ZSWIM5: variants seen among roughly 807,000 people sequenced by gnomAD.
The protein encoded by ZSWIM5 is zinc finger SWIM domain-containing protein 5.
Under a neutral mutation model 119.6 loss-of-function variants are expected in ZSWIM5, and 55 were observed. The observed-to-expected ratio is 0.46, with a 90% CI of 0.37 to 0.58. The LOEUF (loss-of-function observed/expected upper bound fraction) is 0.58. ZSWIM5 is among the 20% of genes least tolerant of loss of function. ZSWIM5 has a pLI of 0.00. For missense variants in ZSWIM5, 1,193 were observed against 1,512.8 expected, an observed-to-expected ratio of 0.79 and a Z score of 3.51; for synonymous variants, 537 against 606.9, an observed-to-expected ratio of 0.88 and a Z score of 1.69.
chr1:45,033,823 C>G (rs1269356264), intron 11 of ZSWIM5, among the ~76,000 whole-genome samples: 1 of 151,378 alleles, frequency 6.6e-6, no homozygotes, highest in Non-Finnish European at 1.5e-5. Flanking sequence ...ATTTGGTATC[C>G]TACAATTAGT....
At chr1:45,159,977 G>A (rs1182947922) in intron 1 of ZSWIM5, among the ~76,000 whole-genome samples, 5 of 152,006 alleles carry the variant, frequency 3.3e-5, no homozygotes, top group Admixed American at 2.0e-4. Flanking sequence ...CTTTTTTGAT[G>A]AACTCTACTC....
intron 3 of ZSWIM5, among the ~76,000 whole-genome samples, chr1:45,059,629 G>A (rs1388484675): frequency 6.6e-6 from 1 of 152,068 alleles, no homozygotes; most frequent in Non-Finnish European, 1.5e-5. Context: ...AAAAACCACT[G>A]AACTGAATTT....
chr1:45,128,156 T>A (rs1474998669), intron 1 of ZSWIM5, among the ~76,000 whole-genome samples: 1 of 152,170 alleles, frequency 6.6e-6, no homozygotes, highest in Admixed American at 6.5e-5. Flanking sequence ...ATATGGAAAG[T>A]CAAAGGCACT....
intron 1 of ZSWIM5, among the ~76,000 whole-genome samples, chr1:45,113,428 T>C (rs536801933): frequency 1.1e-3 from 170 of 152,256 alleles, no homozygotes; most frequent in African/African-American, 3.5e-3. Context: ...GGCCTCAAAC[T>C]CCTGGGCTCA....
At position 45,205,988 on chromosome 1, in the gene ZSWIM5, G is replaced by T; in HGVS notation, c.363C>A (p.Pro121=). ...MYSSFQYRGG[P]GAGAAGGAAG... ...CGGCGCCGCCAGCAGCGCCGGCGCC[G>T]GGGCCGCCCCGGTACTGGAAGCTGG... The change falls in exon 1 of 14, where the codon CCC becomes CCA. Residue 121 remains proline (P), a synonymous_variant. Coordinates refer to ENST00000359600, the MANE Select transcript of ZSWIM5 (RefSeq NM_020883.2). 6.9e-7 allele frequency: 1 copy of T among 1,454,842 alleles called. No homozygotes were observed. Among genetic ancestry groups the T allele is most frequent in the Non-Finnish European group, 9.1e-7 (1 of 1,100,950 alleles). 90.1% of individuals were successfully genotyped at this position (1,454,842 alleles called of 1,614,324 possible).
rs188894554 is a variant in ZSWIM5 at position 45,075,301 on chromosome 1, C to G, written c.952+12580G>C. 3.6e-4 allele frequency among the ~76,000 whole-genome samples: 54 copies of G among 150,516 alleles called. No individual in the cohort carries two copies. The East Asian group carries it at 8.9e-3, about 25-fold the overall frequency. ...TGGAAGATGTGTCCGATGCTGATAG[C>G]GGGGTGCTGAAGTCTCCAGCTATTA... On this transcript the variant is annotated intron_variant, in intron 2 of 13. Coordinates refer to ENST00000359600, the MANE Select transcript of ZSWIM5 (RefSeq NM_020883.2).
intron 2 of ZSWIM5, among the ~76,000 whole-genome samples, chr1:45,078,910 C>T (rs1645271403): frequency 6.6e-6 from 1 of 152,156 alleles, no homozygotes; most frequent in Admixed American, 6.5e-5. Context: ...TCCTGTCAGG[C>T]CTCTGAGCCC....
intron 1 of ZSWIM5, among the ~76,000 whole-genome samples, chr1:45,092,645 C>A (rs1479216639): frequency 6.7e-6 from 1 of 149,008 alleles, no homozygotes; most frequent in Non-Finnish European, 1.5e-5. Flanking sequence ...GCTATGGTAC[C>A]CAGCTATTCA....
intron 2 of ZSWIM5, among the ~76,000 whole-genome samples, chr1:45,070,814 C>T (rs759557178): frequency 6.6e-6 from 1 of 152,130 alleles, no homozygotes; most frequent in African/African-American, 2.4e-5. Context: ...TCTTTCATCA[C>T]CTGTTTATTC....
chr1:45,171,446 T>TAGTTGA (rs2149045380), intron 1 of ZSWIM5, among the ~76,000 whole-genome samples: 3 of 152,226 alleles, frequency 2.0e-5, no homozygotes, highest in African/African-American at 7.2e-5. Context: ...GGTAGGTAAC[T>TAGTTGA]GACAAAGATT....
At chr1:45,099,940 C>G (rs567755921) in intron 1 of ZSWIM5, among the ~76,000 whole-genome samples, 1 of 152,290 alleles carries the variant, frequency 6.6e-6, no homozygotes, top group African/African-American at 2.4e-5. Flanking sequence ...CAGCCAATAT[C>G]ATACTGAATG....
chr1:45,068,189 G>A lies in ZSWIM5; in HGVS notation c.953-7942C>T, dbSNP rs559767236. 5.7e-3 allele frequency among the ~76,000 whole-genome samples: 746 copies of A among 129,750 alleles called. 3 individuals carry two copies. The highest frequency in any genetic ancestry group is 7.8e-3 in the Non-Finnish European group (501 of 64,266). 85.1% of individuals were successfully genotyped at this position (129,750 alleles called of 152,430 possible). ...GTGATCTCAGCTCACTGCAACCTCC[G>A]CCTCCAGGGTCCAAGCCATTCTCCT... On this transcript the variant is annotated intron_variant, in intron 2 of 13. Transcript: ENST00000359600.
Position 45,206,220 on chromosome 1 carries a change from G to A in ZSWIM5, c.131C>T (p.Ala44Val), listed in dbSNP as rs762559116. 2.5e-6 allele frequency: 4 copies of A among 1,586,636 alleles called. No individual in the cohort carries two copies. The South Asian group carries it at 3.4e-5, about 14-fold the overall frequency. The change falls in exon 1 of 14, where the codon GCA (alanine) becomes GTA (valine). Residue 44 changes from alanine (A) to valine (V), a missense_variant. Transcript: ENST00000359600. ...RGSPGAAGGG[A>V]GGVGSSCLVL... Reference sequence around the variant, plus strand: ...CAGGCAGCTGCTGCCGACGCCCCCTGCCCCTCCGCCGGCTGCCCCAGGCGA... The same window carrying A: ...CAGGCAGCTGCTGCCGACGCCCCCTACCCCTCCGCCGGCTGCCCCAGGCGA...
chr1:45,041,343 A>G (rs978315909), intron 6 of ZSWIM5, among the ~76,000 whole-genome samples: 2 of 152,168 alleles, frequency 1.3e-5, no homozygotes, highest in African/African-American at 2.4e-5. Context: ...ATGGAAGACT[A>G]CCAAACCAAA....
intron 2 of ZSWIM5, among the ~76,000 whole-genome samples, chr1:45,079,602 T>A (rs1645277303): frequency 6.6e-6 from 1 of 152,092 alleles, no homozygotes; most frequent in South Asian, 2.1e-4. Context: ...GGTCACTTGG[T>A]GCTCTAGACC....
chr1:45,154,647 C>T (rs188898317), intron 1 of ZSWIM5, among the ~76,000 whole-genome samples: 20 of 152,184 alleles, frequency 1.3e-4, no homozygotes, highest in African/African-American at 3.1e-4. Context: ...TTTGGGAGAC[C>T]GAGGTGGGTG....
chr1:45,120,322 C>T (rs1047364786), intron 1 of ZSWIM5, among the ~76,000 whole-genome samples: 5 of 152,056 alleles, frequency 3.3e-5, no homozygotes, highest in Admixed American at 6.5e-5. Context: ...GGTGACAGGG[C>T]GAAAAAACAA....
At chr1:45,078,653 A>G (rs530814658) in intron 2 of ZSWIM5, among the ~76,000 whole-genome samples, 4 of 152,238 alleles carry the variant, frequency 2.6e-5, no homozygotes, top group Non-Finnish European at 4.4e-5. Flanking sequence ...GTCTCACCCA[A>G]GGTTTGCTGT....
rs1040926888 is a variant in ZSWIM5 at position 45,088,722 on chromosome 1, A to C, written c.596-485T>G. Reference sequence around the variant, plus strand: ...ATGAGGAAGGACAGAAGGAAGATCAAAGAAGACTAAGGAAAATAATTCTTC... The same window carrying C: ...ATGAGGAAGGACAGAAGGAAGATCACAGAAGACTAAGGAAAATAATTCTTC... On this transcript the variant is annotated intron_variant, in intron 1 of 13. Transcript: ENST00000359600. The surrounding 1 kb of genome is among the most constrained non-coding windows in gnomAD (Gnocchi z 4.2). Among the ~76,000 whole-genome samples the C allele has an allele frequency of 6.6e-6, 1 of 152,232 alleles. No homozygotes were observed. The highest frequency in any genetic ancestry group is 2.4e-5 in the African/African-American group (1 of 41,458).
Sources: gnomAD v4.1 joint callset for allele counts (sites outside exome capture counted in the v4.1 genomes callset) on GRCh38, gnomAD v4.1.1 for gene constraint, Gnocchi (gnomAD v3.1) non-coding constraint, MANE v1.5 for transcripts, NCBI Gene and HGNC (gene_info 2026-07-23, HGNC 2026-07-21) for gene names.